Variants in SPDYE21 observed in about 807,000 individuals in gnomAD.
SPDYE21 encodes the protein speedy protein E21.
Under a neutral mutation model 36.2 loss-of-function variants are expected in SPDYE21, and 14 were observed. The observed-to-expected ratio is 0.39, with a 90% CI of 0.26 to 0.61. SPDYE21 has a LOEUF of 0.61. Among genes scored for constraint, SPDYE21 ranks in the 20% least tolerant of loss-of-function variants. The pLI, the probability that SPDYE21 is intolerant of heterozygous loss-of-function variation, is 0.55. For synonymous variants in SPDYE21, 58 were observed against 155.1 expected (o/e 0.37, Z 4.65); for missense variants, 233 against 424.6 (o/e 0.55, Z 3.97).
In SPDYE21 at chr7:67,281,065, A is replaced by G. The variant is rs1342554059; in HGVS notation, c.380-309A>G. 1.9e-3 allele frequency among the ~76,000 whole-genome samples: 257 copies of G among 134,182 alleles called. 1 individual carries two copies. In the East Asian group the frequency reaches 0.025, roughly 13 times the overall value. 88.0% of individuals were successfully genotyped at this position (134,182 alleles called of 152,430 possible). A position where few individuals can be genotyped will look rare whatever the true frequency, so the allele number is the denominator to read the frequency against. On this transcript the variant is annotated intron_variant, in intron 3 of 8. Transcript: ENST00000424157. The stretch of plus-strand genomic sequence containing the variant: ...CCACTACACTCCAGCCTAGGCCACA[A>G]AGCAAGACTGTTTCGCAACAACAAC...
rs1223237703 is a variant in SPDYE21, at chr7:67,287,863, A to G, written c.*391A>G. 6.6e-6 allele frequency among the ~76,000 whole-genome samples: 1 copy of G among 152,134 alleles called. No homozygotes were observed. The highest frequency in any genetic ancestry group is 1.9e-4 in the East Asian group (1 of 5,202). The stretch of plus-strand genomic sequence containing the variant: ...CTTACGGACTTGGTTGCCACAGTCC[A>G]GGAGCATTTGAAGGCACAATGCAGG... On this transcript the variant is annotated 3_prime_UTR_variant, in exon 9 of 9. Transcript: ENST00000424157.
intron 2 of SPDYE21, among the ~76,000 whole-genome samples, chr7:67,279,185 A>G (rs1204256364): frequency 7.0e-6 from 1 of 142,286 alleles, no homozygotes; most frequent in Non-Finnish European, 1.5e-5. Flanking sequence ...TGCACTCCCA[A>G]AAAAAAAAAA....
rs1215597182 is a variant in SPDYE21 at position 67,278,832 on chromosome 7, C to T, written c.119C>T (p.Pro40Leu). Among the ~76,000 whole-genome samples, 1 of 151,600 alleles carries T rather than the reference C, an allele frequency of 6.6e-6. No individual in the cohort carries two copies. The highest frequency in any genetic ancestry group is 6.6e-5 in the Admixed American group (1 of 15,172). ...QSPQRSTSGY[P>L]LQEVVDDEVL... ...CCCCAGCGGAGCACCTCGGGGTACC[C>T]CCTCCAGGAGGTGGTGGATGATGAA... The change falls in exon 2 of 9, where the codon CCC (proline) becomes CTC (leucine). Residue 40 changes from proline (P) to leucine (L), a missense_variant. Physicochemically the swap from Pro to Leu is moderately conservative, Grantham distance 98 (BLOSUM62 -3). Around this residue, in one of 4 missense-constraint regions of SPDYE21, gnomAD observed 68 missense variants for 87.6 expected, o/e 0.78. Transcript: ENST00000424157.
rs1441004656 is a variant in SPDYE21 at position 67,286,456 on chromosome 7, G to C, written c.1149+19G>C. On this transcript the variant is annotated intron_variant, in intron 7 of 8. Coordinates refer to ENST00000424157, the MANE Select transcript of SPDYE21 (RefSeq NM_001382715.2). ...GGAGGAGGTGAGTGGGGCCTGGGGA[G>C]GTGGAGGAGGTGGGGAGGAATCGGG... Among the ~76,000 whole-genome samples the C allele has an allele frequency of 2.6e-5, 4 of 152,136 alleles. No individual in the cohort carries two copies. In the East Asian group the frequency reaches 5.8e-4, roughly 22 times the overall value.
rs1802584096 is a variant in SPDYE21 at position 67,278,876 on chromosome 7, G to A, written c.160+3G>A. Among the ~76,000 whole-genome samples the A allele has an allele frequency of 6.6e-6, 1 of 150,790 alleles. No individual in the cohort carries two copies. The highest frequency in any genetic ancestry group is 2.1e-4 in the South Asian group (1 of 4,786). On this transcript the variant is annotated splice_donor_region_variant and intron_variant, in intron 2 of 8. Coordinates refer to ENST00000424157, the MANE Select transcript of SPDYE21 (RefSeq NM_001382715.2). ...TGATGAAGTGTTGGGACCATCAGGT[G>A]AGGGGACTGGTGGAAGAAGAGGTGG... is the stretch of plus-strand genomic sequence containing the variant.
chr7:67,286,244 C>G lies in SPDYE21; in HGVS notation c.956C>G (p.Ser319Cys), dbSNP rs879017134. 9 of 1,612,012 alleles carry G rather than the reference C, an allele frequency of 5.6e-6. No homozygotes were observed. Among genetic ancestry groups the G allele is most frequent in the Non-Finnish European group, 7.6e-6 (9 of 1,178,916 alleles). Residue 319 changes from serine to cysteine, a missense_variant, in exon 7 of 9, where the codon TCC becomes TGC. Ser to Cys is a moderately radical substitution (Grantham distance 112). Transcript: ENST00000424157. ...AAGCGTCGGTTCCAGTTAGGCCGTT[C>G]CATGAACCCGAGGGCCAGGAAGTAC... is the stretch of plus-strand genomic sequence containing the variant. ...LRKRRFQLGR[S>C]MNPRARKYRS...
At chr7:67,277,608 G>C (rs1021896618) in intron 1 of SPDYE21, among the ~76,000 whole-genome samples, 2 of 151,886 alleles carry the variant, frequency 1.3e-5, no homozygotes, top group African/African-American at 4.8e-5. Flanking sequence ...TGTTTTTTTA[G>C]AGATGGGCTC....
chr7:67,285,071 C>T (rs1304739161), intron 6 of SPDYE21, among the ~76,000 whole-genome samples: 1 of 151,894 alleles, frequency 6.6e-6, no homozygotes, highest in Non-Finnish European at 1.5e-5. Context: ...TCTGTGATGC[C>T]TTCCCTCATC....
Position 67,286,123 on chromosome 7 carries a change from T to C in SPDYE21, c.835T>C (p.Ser279Pro). 3 of 1,612,338 alleles carry C rather than the reference T, an allele frequency of 1.9e-6. No homozygotes were observed. Among genetic ancestry groups the C allele is most frequent in the Non-Finnish European group, 1.7e-6 (2 of 1,179,072 alleles). The change falls in exon 7 of 9, where the codon TCT (serine) becomes CCT (proline). Residue 279 changes from serine to proline, a missense_variant. Transcript: ENST00000424157. ...IFHFLYGKTR[S>P]RIPLLRKRWF... is the part of the protein sequence containing the mutation. ...CCACTTCCTGTATGGGAAGACCCGC[T>C]CTCGCATACCCTTGCTCCGTAAGCG...
Position 67,288,949 on chromosome 7 carries a change from C to A in SPDYE21, c.*1477C>A, listed in dbSNP as rs202090041. Among the ~76,000 whole-genome samples, 2 of 145,262 alleles carry A rather than the reference C, an allele frequency of 1.4e-5. No homozygotes were observed. The highest frequency in any genetic ancestry group is 3.0e-5 in the Non-Finnish European group (2 of 66,042). ...GTGTTTTCAAGAGAACAATAGAGTG[C>A]GTCTCTTGGGGAAACATAATAAAAA... is the stretch of plus-strand genomic sequence containing the variant. On this transcript the variant is annotated 3_prime_UTR_variant, in exon 9 of 9. Coordinates refer to ENST00000424157, the MANE Select transcript of SPDYE21 (RefSeq NM_001382715.2).
chr7:67,284,488 T>A, intron 6 of SPDYE21, among the ~76,000 whole-genome samples: 1 of 121,068 alleles, frequency 8.3e-6, no homozygotes, highest in Non-Finnish European at 1.7e-5. Flanking sequence ...CAAACTCCAA[T>A]GCCAGTGTAC....
intron 2 of SPDYE21, among the ~76,000 whole-genome samples, chr7:67,279,220 C>A (rs113024707): frequency 6.8e-6 from 1 of 146,042 alleles, no homozygotes; most frequent in Non-Finnish European, 1.5e-5. Context: ...GAAGGGTCAG[C>A]GGTCAGGAAG....
rs2116504196 is a variant in SPDYE21, at chr7:67,280,009, C to T, written c.352C>T (p.His118Tyr). Residue 118 changes from histidine (H) to tyrosine (Y), a missense_variant, in exon 3 of 9, where the codon CAC (histidine) becomes TAC (tyrosine). By Grantham distance (83) the His-to-Tyr change is moderately conservative. Transcript: ENST00000424157. ...GCGAGTGTCACCCATCCTCCCTGAG[C>T]ACCACAAGGACTTCAACAGTCAGCT... ...QQRVSPILPE[H>Y]HKDFNSQLAP... 4 of 1,585,182 alleles carry T rather than the reference C, an allele frequency of 2.5e-6. No homozygotes were observed. The highest frequency in any genetic ancestry group is 2.3e-4 in the Middle Eastern group (1 of 4,410).
chr7:67,285,504 C>T (rs1163999694), intron 6 of SPDYE21, among the ~76,000 whole-genome samples: 1 of 151,316 alleles, frequency 6.6e-6, no homozygotes, highest in Admixed American at 6.6e-5. Context: ...AATTCTTATG[C>T]TTCAGCCTCC....
chr7:67,277,547 T>C (rs1802561399), intron 1 of SPDYE21, among the ~76,000 whole-genome samples: 1 of 152,080 alleles, frequency 6.6e-6, no homozygotes. Flanking sequence ...GTCTCCCAAG[T>C]AGTTGGAACA....
chr7:67,286,140 C>G lies in SPDYE21; in HGVS notation c.852C>G (p.Leu284=), dbSNP rs878866424. The G allele has an allele frequency of 1.2e-5, 20 of 1,611,686 alleles. No homozygotes were observed. In the South Asian group the frequency reaches 2.1e-4, roughly 17 times the overall value. Residue 284 remains leucine (L), a synonymous_variant, in exon 7 of 9, where the codon CTC becomes CTG. Coordinates refer to ENST00000424157, the MANE Select transcript of SPDYE21 (RefSeq NM_001382715.2). ...AGACCCGCTCTCGCATACCCTTGCT[C>G]CGTAAGCGTTGGTTCCAGTTAGGCC... ...YGKTRSRIPL[L]RKRWFQLGRS...
chr7:67,287,179 A>T (rs968136938), intron 8 of SPDYE21, among the ~76,000 whole-genome samples: 6 of 152,212 alleles, frequency 3.9e-5, no homozygotes, highest in African/African-American at 1.4e-4. Flanking sequence ...ACAAGTTTAG[A>T]TCTTAAGTGA....
In SPDYE21 at chr7:67,285,286, G is replaced by A. The variant is rs527253915; in HGVS notation, c.756-758G>A. Among the ~76,000 whole-genome samples, 21 of 152,328 alleles carry A rather than the reference G, an allele frequency of 1.4e-4. 1 individual carries two copies. In the South Asian group the frequency reaches 4.3e-3, roughly 32 times the overall value. ...GCTAGAGTGCAGTGGTGAGATCATA[G>A]CTCACCACAGCCTCCATATCCTGGG... is the stretch of plus-strand genomic sequence containing the variant. On this transcript the variant is annotated intron_variant, in intron 6 of 8. Coordinates refer to ENST00000424157, the MANE Select transcript of SPDYE21 (RefSeq NM_001382715.2).
chr7:67,284,718 A>C (rs1488445944), intron 6 of SPDYE21, among the ~76,000 whole-genome samples: 2 of 150,630 alleles, frequency 1.3e-5, no homozygotes, highest in Admixed American at 6.7e-5. Flanking sequence ...CCACTGTCAA[A>C]TGCTCCCTGC....
Sources: allele counts gnomAD v4.1 joint callset (sites outside exome capture counted in the v4.1 genomes callset), GRCh38; gene constraint gnomAD v4.1.1; regional missense constraint gnomAD v4.1.1; transcripts MANE v1.5; gene names NCBI Gene and HGNC (gene_info 2026-07-23, HGNC 2026-07-21).